EIPR1: variants seen among roughly 807,000 people sequenced by gnomAD.
The protein encoded by EIPR1 is EARP complex and GARP complex interacting protein 1, also known as EARP and GARP complex-interacting protein 1.
A neutral mutation model predicts 48.1 loss-of-function variants in EIPR1; 25 were observed. The ratio of observed to expected loss-of-function variants is 0.52; its 90% CI spans 0.38 to 0.73. The LOEUF (loss-of-function observed/expected upper bound fraction) is 0.73. Among genes scored for constraint, EIPR1 ranks in the 30% least tolerant of loss-of-function variants. The pLI is 0.00. For synonymous variants in EIPR1, 204 were observed against 201.9 expected (o/e 1.01, Z -0.09); for missense variants, 415 against 506.2 (o/e 0.82, Z 1.73).
intron 3 of EIPR1, among the ~76,000 whole-genome samples, chr2:3,329,211 G>C (rs1461945098): frequency 1.4e-5 from 2 of 140,730 alleles, no homozygotes; most frequent in Non-Finnish European, 1.5e-5. Context: ...CTGAATCAGA[G>C]CCCACCCACC....
chr2:3,340,728 G>A (rs1183779187), intron 2 of EIPR1, among the ~76,000 whole-genome samples: 2 of 152,138 alleles, frequency 1.3e-5, no homozygotes, highest in Non-Finnish European at 2.9e-5. Flanking sequence ...CCAAAGAAAA[G>A]GCAAGTGCAA....
chr2:3,325,147 T>C (rs1341364362), intron 3 of EIPR1, among the ~76,000 whole-genome samples: 3 of 152,288 alleles, frequency 2.0e-5, no homozygotes, highest in South Asian at 2.1e-4. Context: ...AAAAGGAAAG[T>C]TGACGAGAAG....
At chr2:3,339,136 C>G (rs1670156165) in intron 2 of EIPR1, among the ~76,000 whole-genome samples, 1 of 152,160 alleles carries the variant, frequency 6.6e-6, no homozygotes. Context: ...AGAGAATACA[C>G]AAAAGAAACT....
At chr2:3,257,585 G>A (rs1667200379) in intron 3 of EIPR1, 130 bp from the exon 4 acceptor site, 2 of 1,164,204 alleles carry the variant, frequency 1.7e-6, no homozygotes, top group Non-Finnish European at 2.4e-6. Flanking sequence ...TACGATTGCA[G>A]GCAGCAAAGA....
intron 1 of EIPR1, among the ~76,000 whole-genome samples, chr2:3,374,374 C>T (rs1441353108): frequency 2.6e-5 from 4 of 151,686 alleles, no homozygotes; most frequent in Admixed American, 2.6e-4. Context: ...CCAAAATTGA[C>T]AAATGGGATC....
At chr2:3,363,667 A>C (rs553772437) in intron 1 of EIPR1, among the ~76,000 whole-genome samples, 167 of 152,322 alleles carry the variant, frequency 1.1e-3, no homozygotes, top group Non-Finnish European at 1.8e-3. Flanking sequence ...CCTGCTTGAC[A>C]GAGTGAGACC....
intron 1 of EIPR1, among the ~76,000 whole-genome samples, chr2:3,363,009 G>A (rs1248569016): frequency 1.3e-5 from 2 of 152,224 alleles, no homozygotes; most frequent in African/African-American, 2.4e-5. Flanking sequence ...CAAGCTAAGG[G>A]GAGAGGTGTT....
At chr2:3,295,133 C>T (rs1214478805) in intron 3 of EIPR1, among the ~76,000 whole-genome samples, 1 of 147,494 alleles carries the variant, frequency 6.8e-6, no homozygotes, top group African/African-American at 2.5e-5. Flanking sequence ...TCTCTCCATG[C>T]ACAACCTCCA....
chr2:3,218,546 C>T (rs748057139), intron 4 of EIPR1, among the ~76,000 whole-genome samples: 2 of 145,958 alleles, frequency 1.4e-5, no homozygotes, highest in African/African-American at 2.5e-5. Context: ...ACACTCAACA[C>T]GACCCTGGTA....
At chr2:3,296,133 C>CCG (rs1668580430) in intron 3 of EIPR1, among the ~76,000 whole-genome samples, 1 of 136,824 alleles carries the variant, frequency 7.3e-6, no homozygotes, top group Non-Finnish European at 1.6e-5. Context: ...CCAGCCCATC[C>CCG]TCTCTGCACA....
chr2:3,218,029 C>A (rs1249256773), intron 4 of EIPR1, among the ~76,000 whole-genome samples: 1 of 152,182 alleles, frequency 6.6e-6, no homozygotes, highest in East Asian at 1.9e-4. Flanking sequence ...CCCAACACAG[C>A]CCTGGTACAC....
chr2:3,338,109 T>TTTA lies in EIPR1; in HGVS notation c.164_166dup (p.Ile55dup). On this transcript the variant is annotated inframe_insertion, in exon 3 of 9. Transcript: ENST00000382125. Reference sequence around the variant, plus strand: ...CGCTTGATGGAGGAGGACATTTTTATTTATAATGTTGTTTTCATCGTCAAA... The same window carrying TTTA: ...CGCTTGATGGAGGAGGACATTTTTATTTATTATAATGTTGTTTTCATCGTCAAA... 6.2e-7 allele frequency: 1 copy of TTTA among 1,612,758 alleles called. No individual in the cohort carries two copies. The highest frequency in any genetic ancestry group is 8.5e-7 in the Non-Finnish European group (1 of 1,179,792).
chr2:3,313,664 C>T (rs1669196188), intron 3 of EIPR1, among the ~76,000 whole-genome samples: 1 of 152,232 alleles, frequency 6.6e-6, no homozygotes, highest in Non-Finnish European at 1.5e-5. Flanking sequence ...GCTCTCCCCA[C>T]TGTCAGGAGC....
At chr2:3,298,185 G>C (rs369319680) in intron 3 of EIPR1, among the ~76,000 whole-genome samples, 144 of 152,208 alleles carry the variant, frequency 9.5e-4, no homozygotes, top group African/African-American at 3.3e-3. Flanking sequence ...CTTGAGATTC[G>C]TGCGGCCCAC....
intron 3 of EIPR1, among the ~76,000 whole-genome samples, chr2:3,317,330 G>A (rs1669340071): frequency 6.6e-6 from 1 of 150,868 alleles, no homozygotes; most frequent in African/African-American, 2.4e-5. Context: ...CCTACTGTGT[G>A]CCTCGCACGC....
At chr2:3,284,312 GTGC>G (rs1668111171) in intron 3 of EIPR1, among the ~76,000 whole-genome samples, 1 of 107,384 alleles carries the variant, frequency 9.3e-6, no homozygotes, top group Non-Finnish European at 2.0e-5. Flanking sequence ...ACAGAAGGCC[GTGC>G]CACGGCTGCA....
intron 3 of EIPR1, among the ~76,000 whole-genome samples, chr2:3,326,805 G>GT (rs146465023): frequency 0.017 from 2,565 of 152,312 alleles, 76 homozygotes; most frequent in African/African-American, 0.059. Flanking sequence ...AAAATCCACT[G>GT]TATCTTCCTA....
intron 3 of EIPR1, among the ~76,000 whole-genome samples, chr2:3,314,988 C>T (rs936212281): frequency 9.2e-5 from 14 of 151,790 alleles, no homozygotes; most frequent in Middle Eastern, 6.8e-3. Flanking sequence ...TGCTGCTCTC[C>T]GGCAAACTGC....
intron 3 of EIPR1, among the ~76,000 whole-genome samples, chr2:3,309,303 A>G (rs1669048776): frequency 6.6e-6 from 1 of 152,228 alleles, no homozygotes; most frequent in Non-Finnish European, 1.5e-5. Flanking sequence ...TGACATACGT[A>G]TATTGTAATA....
Sources: gnomAD v4.1 joint callset for allele counts (sites outside exome capture counted in the v4.1 genomes callset) on GRCh38, gnomAD v4.1.1 for gene constraint, MANE v1.5 for transcripts, NCBI Gene and HGNC (gene_info 2026-07-23, HGNC 2026-07-21) for gene names.